DOK6: variants seen among roughly 807,000 people sequenced by gnomAD.
DOK6 encodes the protein downstream of tyrosine kinase 6.
In DOK6, 22 loss-of-function variants were observed where a neutral mutation model predicts 44.0. That is an observed-to-expected ratio of 0.50 (90% CI 0.36 to 0.71). The LOEUF is 0.71. Among genes scored for constraint, DOK6 ranks in the 30% least tolerant of loss-of-function variants. The pLI is 0.00. For missense variants in DOK6, 340 were observed against 416.4 expected, an observed-to-expected ratio of 0.82 and a Z score of 1.60; for synonymous variants, 166 against 145.5, an observed-to-expected ratio of 1.14 and a Z score of -1.01.
chr18:69,762,528 G>C (rs1041042953), intron 7 of DOK6, among the ~76,000 whole-genome samples: 1 of 152,154 alleles, frequency 6.6e-6, no homozygotes, highest in Non-Finnish European at 1.5e-5. Flanking sequence ...ACTGCAGGTA[G>C]CACTGAGGAA....
intron 1 of DOK6, chr18:69,471,748 A>G (rs1278927251): frequency 6.6e-6 from 1 of 152,130 alleles, no homozygotes; most frequent in Non-Finnish European, 1.5e-5. Context: ...GAGTGAGTGA[A>G]TTGCCATTTG....
chr18:69,610,386 C>T (rs1468203145), intron 3 of DOK6, among the ~76,000 whole-genome samples: 3 of 152,088 alleles, frequency 2.0e-5, no homozygotes, highest in Non-Finnish European at 4.4e-5. Context: ...TACACTAATA[C>T]ATGAGGATAC....
intron 7 of DOK6, among the ~76,000 whole-genome samples, chr18:69,797,458 G>A (rs183428406): frequency 1.2e-3 from 178 of 152,210 alleles, no homozygotes; most frequent in Non-Finnish European, 2.2e-3. Context: ...AACAAAAGCA[G>A]AGGCAGTAAT....
intron 2 of DOK6, among the ~76,000 whole-genome samples, chr18:69,573,857 G>T (rs573503542): frequency 6.6e-6 from 1 of 151,478 alleles, no homozygotes; most frequent in South Asian, 2.1e-4. Context: ...ATTCTATAAC[G>T]CCACTCTTTA....
At chr18:69,466,844 AG>A (rs1979942717) in intron 1 of DOK6, among the ~76,000 whole-genome samples, 1 of 151,894 alleles carries the variant, frequency 6.6e-6, no homozygotes, top group Non-Finnish European at 1.5e-5. Context: ...GAAGGAGAGA[AG>A]GCCCCCTCTT....
chr18:69,551,818 G>A (rs1040045685), intron 1 of DOK6, among the ~76,000 whole-genome samples: 1 of 151,946 alleles, frequency 6.6e-6, no homozygotes, highest in Admixed American at 6.6e-5. Flanking sequence ...TGTTTTTAAT[G>A]TTTCACTCTT....
At chr18:69,434,554 G>C (rs1978893837) in intron 1 of DOK6, among the ~76,000 whole-genome samples, 2 of 149,698 alleles carry the variant, frequency 1.3e-5, no homozygotes, top group South Asian at 4.3e-4. Context: ...ACTTTGAAAG[G>C]CAGAGGCGGG....
rs554053354 is a variant in DOK6 at position 69,468,348 on chromosome 18, AT to A, written c.66+67040del. On this transcript the variant is annotated intron_variant, in intron 1 of 7. Coordinates refer to ENST00000382713, the MANE Select transcript of DOK6 (RefSeq NM_152721.6). Reference sequence around the variant, plus strand: ...GTAGCCCAGTTACCTTAATTTGATCATTACATGTTATATGCTTGTATCAAAA... The same window carrying A: ...GTAGCCCAGTTACCTTAATTTGATCATACATGTTATATGCTTGTATCAAAA... Among the ~76,000 whole-genome samples, 356 of 152,342 alleles carry A rather than the reference AT, an allele frequency of 2.3e-3. 1 individual carries two copies. Among genetic ancestry groups the A allele is most frequent in the Admixed American group, 4.6e-3 (71 of 15,310 alleles).
At chr18:69,645,869 G>A (rs1391400086) in intron 3 of DOK6, among the ~76,000 whole-genome samples, 1 of 152,094 alleles carries the variant, frequency 6.6e-6, no homozygotes, top group Non-Finnish European at 1.5e-5. Context: ...TTTCTATGAT[G>A]TTTAGAGTTT....
intron 3 of DOK6, among the ~76,000 whole-genome samples, chr18:69,635,441 G>C (rs776597386): frequency 2.0e-5 from 3 of 151,968 alleles, no homozygotes; most frequent in Admixed American, 6.6e-5. Flanking sequence ...TGCTCCTTCC[G>C]TAATTGTCCT....
rs761994846 is a variant in DOK6, at chr18:69,651,034, G to C, written c.290-26700G>C. ...ACATTTTAAAAAGCAGTCTTAGACTGTATGTGGAGAGATGTAGAAGGCATA... is the reference window on the plus strand; with the variant it reads ...ACATTTTAAAAAGCAGTCTTAGACTCTATGTGGAGAGATGTAGAAGGCATA... On this transcript the variant is annotated intron_variant, in intron 3 of 7. Transcript: ENST00000382713. 3.3e-5 allele frequency among the ~76,000 whole-genome samples: 5 copies of C among 152,282 alleles called. No individual in the cohort carries two copies. The South Asian group carries it at 6.2e-4, about 19-fold the overall frequency.
chr18:69,614,806 C>T (rs1984247176), intron 3 of DOK6, among the ~76,000 whole-genome samples: 1 of 149,902 alleles, frequency 6.7e-6, no homozygotes, highest in South Asian at 2.1e-4. Flanking sequence ...TGTATATACA[C>T]ACACACATAT....
At position 69,845,117 on chromosome 18, in the gene DOK6, C is replaced by A. The variant is rs1015113020; in HGVS notation, c.*3734C>A. On this transcript the variant is annotated 3_prime_UTR_variant, in exon 8 of 8. Coordinates refer to ENST00000382713, the MANE Select transcript of DOK6 (RefSeq NM_152721.6). ...TTTGTAAAAAAGCATGGGGACCCTACTCCCTAGATTATTTGAGCCATTTAC... is the reference window on the plus strand; with the variant it reads ...TTTGTAAAAAAGCATGGGGACCCTAATCCCTAGATTATTTGAGCCATTTAC... 6.6e-6 allele frequency: 1 copy of A among 152,196 alleles called. No individual in the cohort carries two copies. Among genetic ancestry groups the A allele is most frequent in the African/African-American group, 2.4e-5 (1 of 41,452 alleles). The allele number at this position is 152,196 out of a possible 1,614,324, so 9.4% of individuals were successfully genotyped here.
At chr18:69,530,700 G>A (rs1165920269) in intron 1 of DOK6, among the ~76,000 whole-genome samples, 2 of 152,152 alleles carry the variant, frequency 1.3e-5, no homozygotes, top group Non-Finnish European at 2.9e-5. Context: ...GGTCAATTTT[G>A]GAATAAGTGC....
At chr18:69,779,704 G>GTA (rs1461252516) in intron 7 of DOK6, among the ~76,000 whole-genome samples, 41 of 151,832 alleles carry the variant, frequency 2.7e-4, no homozygotes, top group African/African-American at 9.4e-4. Flanking sequence ...GTGTGTGTGT[G>GTA]TGTGTGTGTG....
At chr18:69,637,816 C>T (rs1599234668) in intron 3 of DOK6, among the ~76,000 whole-genome samples, 1 of 151,794 alleles carries the variant, frequency 6.6e-6, no homozygotes, top group Admixed American at 6.6e-5. Flanking sequence ...TTTATTCTGG[C>T]ACTTTAATAA....
intron 4 of DOK6, among the ~76,000 whole-genome samples, chr18:69,696,333 CT>C (rs1986389027): frequency 6.6e-6 from 1 of 152,216 alleles, no homozygotes; most frequent in South Asian, 2.1e-4. Context: ...ATGTCAAGAT[CT>C]TTTTTTAAAC....
At chr18:69,488,876 ATG>A (rs1246718427) in intron 1 of DOK6, among the ~76,000 whole-genome samples, 1 of 152,172 alleles carries the variant, frequency 6.6e-6, no homozygotes, top group Non-Finnish European at 1.5e-5. Flanking sequence ...TTTTATGTGA[ATG>A]TCACTGCTAC....
chr18:69,702,838 T>C (rs1986551850), intron 5 of DOK6, among the ~76,000 whole-genome samples: 1 of 152,224 alleles, frequency 6.6e-6, no homozygotes, highest in Non-Finnish European at 1.5e-5. Context: ...AGGAACTTTC[T>C]GAATGAGAAT....
Sources: gnomAD v4.1 joint callset for allele counts (sites outside exome capture counted in the v4.1 genomes callset) on GRCh38, gnomAD v4.1.1 for gene constraint, MANE v1.5 for transcripts, NCBI Gene and HGNC (gene_info 2026-07-23, HGNC 2026-07-21) for gene names.